KRT83: variants seen among roughly 807,000 people sequenced by gnomAD.
KRT83 encodes keratin 83, also known as keratin, type II cuticular Hb3.
Under a neutral mutation model 52.9 loss-of-function variants are expected in KRT83, and 51 were observed. The observed-to-expected ratio is 0.96, with a 90% CI of 0.77 to 1.22. The LOEUF (loss-of-function observed/expected upper bound fraction) is 1.22, where lower values mean the gene tolerates loss of function less well. KRT83 is among the 50% of genes most tolerant of loss of function. The probability of loss-of-function intolerance (pLI) is 0.00; values close to 1 mark genes in which losing one functional copy is unlikely to be tolerated. For synonymous variants in KRT83, 278 were observed against 274.1 expected (o/e 1.01, Z -0.14); for missense variants, 654 against 666.5 (o/e 0.98, Z 0.21).
At position 52,319,384 on chromosome 12, in the gene KRT83, C is replaced by T. The variant is rs565677515; in HGVS notation, c.385-20G>A. On this transcript the variant is annotated intron_variant, in intron 1 of 8. Coordinates refer to ENST00000293670, the MANE Select transcript of KRT83 (RefSeq NM_002282.3). ...GCGCACCTGCCACCCAGAGGCAGAG[C>T]CTAAGAACCTCTTCTTGCAGCATCA... 17 of 1,613,280 alleles carry T rather than the reference C, an allele frequency of 1.1e-5. No homozygotes were observed. The Admixed American group carries it at 2.2e-4, about 21-fold the overall frequency.
At position 52,314,304 on chromosome 12, in the gene KRT83, G is replaced by C. The variant is rs1244598749; in HGVS notation, c.*327C>G. On this transcript the variant is annotated 3_prime_UTR_variant, in exon 9 of 9. Coordinates refer to ENST00000293670, the MANE Select transcript of KRT83 (RefSeq NM_002282.3). ...GCAAGACATTGCAGCACACAAAGCA[G>C]GTCCCCAAGTTTATTGGAAAAGGGG... The C allele has an allele frequency of 7.5e-6, 3 of 400,576 alleles. No homozygotes were observed. The Admixed American group carries it at 1.1e-4, about 15-fold the overall frequency. 24.8% of individuals were successfully genotyped at this position (400,576 alleles called of 1,614,324 possible). A position where few individuals can be genotyped will look rare whatever the true frequency, so the allele number is the denominator to read the frequency against.
In KRT83 at chr12:52,317,786, G is replaced by A. The variant is rs1938710364; in HGVS notation, c.655-10C>T. 1 of 1,613,868 alleles carries A rather than the reference G, an allele frequency of 6.2e-7. No individual in the cohort carries two copies. On this transcript the variant is annotated splice_polypyrimidine_tract_variant and intron_variant, in intron 3 of 8. Coordinates refer to ENST00000293670, the MANE Select transcript of KRT83 (RefSeq NM_002282.3). ...AGGCGCAGTCCACATCCTGGGTGGGGTAGAAGGGGCTGTGAGGCCGGCTTT... is the reference window on the plus strand; with the variant it reads ...AGGCGCAGTCCACATCCTGGGTGGGATAGAAGGGGCTGTGAGGCCGGCTTT...
chr12:52,319,292 G>A lies in KRT83; in HGVS notation c.457C>T (p.Gln153Ter). 1 of 1,614,062 alleles carries A rather than the reference G, an allele frequency of 6.2e-7. No individual in the cohort carries two copies. The highest frequency in any genetic ancestry group is 1.7e-5 in the Admixed American group (1 of 60,024). The change falls in exon 2 of 9, where the codon CAG becomes TAG. Residue 153 changes from glutamine to a stop codon, truncating the protein, a stop_gained. Transcript: ENST00000293670. LOFTEE classifies it high-confidence loss of function. The part of the protein sequence containing the change: ...LQFYQNRECC[Q>*]SNLEPLFAGY... ...GCAAACAGGGGCTCCAGGTTACTCT[G>A]GCAGCACTCGCGGTTTTGGTAGAAC...
intron 6 of KRT83, 37 bp from the exon 7 acceptor site, chr12:52,316,150 A>G: frequency 6.2e-7 from 1 of 1,610,786 alleles, no homozygotes; most frequent in Non-Finnish European, 8.5e-7. Context: ...GATAAAGTGA[A>G]GTTTAGTTTC....
In KRT83 at chr12:52,314,769, C is replaced by G. The variant is rs780380724; in HGVS notation, c.1344G>C (p.Ser448=). 5 of 1,605,004 alleles carry G rather than the reference C, an allele frequency of 3.1e-6. No individual in the cohort carries two copies. Among genetic ancestry groups the G allele is most frequent in the Non-Finnish European group, 4.2e-6 (5 of 1,176,628 alleles). Residue 448 remains serine (S), a synonymous_variant, in exon 9 of 9, where the codon TCG becomes TCC. Coordinates refer to ENST00000293670, the MANE Select transcript of KRT83 (RefSeq NM_002282.3). The part of the protein sequence containing the change: ...GGVVCGDLCV[S]GSRPVTGSVC... ...CGCTGCCCGTCACCGGCCGGGAGCCCGACACGCAGAGATCCCCGCACACAA... is the reference window on the plus strand; with the variant it reads ...CGCTGCCCGTCACCGGCCGGGAGCCGGACACGCAGAGATCCCCGCACACAA...
chr12:52,315,226 C>A, intron 8 of KRT83, 86 bp downstream of exon 8: 1 of 1,361,918 alleles, frequency 7.3e-7, no homozygotes, highest in African/African-American at 1.4e-5. Context: ...TGGAAACACT[C>A]CTCCCAAAGT....
At chr12:52,315,222 C>T in intron 8 of KRT83, 90 bp downstream of exon 8, 2 of 1,337,680 alleles carry the variant, frequency 1.5e-6, no homozygotes, top group Non-Finnish European at 2.2e-6. Context: ...TTATTGGAAA[C>T]ACTCCTCCCA....
intron 7 of KRT83, 52 bp downstream of exon 7, chr12:52,315,841 A>G: frequency 6.2e-7 from 1 of 1,611,080 alleles, no homozygotes; most frequent in Non-Finnish European, 8.5e-7. Context: ...GGGAAAAATC[A>G]AAGGTGGGCA....
rs769799083 is a variant in KRT83 at position 52,319,257 on chromosome 12, G to T, written c.492C>A (p.Ile164=). The part of the protein sequence containing the change: ...SNLEPLFAGY[I]ETLRREAECV... ...ACTCGGCCTCCCGCCGCAGAGTCTC[G>T]ATGTAGCCAGCAAACAGGGGCTCCA... The change falls in exon 2 of 9, where the codon ATC becomes ATA. Residue 164 remains isoleucine, a synonymous_variant. Coordinates refer to ENST00000293670, the MANE Select transcript of KRT83 (RefSeq NM_002282.3). The T allele has an allele frequency of 4.3e-6, 7 of 1,613,850 alleles. No homozygotes were observed. The highest frequency in any genetic ancestry group is 1.3e-5 in the African/African-American group (1 of 74,920).
Position 52,321,233 on chromosome 12 carries a change from C to T in KRT83, c.103G>A (p.Ala35Thr), listed in dbSNP as rs1194656235. 2 of 1,613,508 alleles carry T rather than the reference C, an allele frequency of 1.2e-6. No homozygotes were observed. The highest frequency in any genetic ancestry group is 1.7e-6 in the Non-Finnish European group (2 of 1,179,882). ...TAGCAGGAGATGCCGCGGTAGGGGG[C>T]GGCGGTGATGCAGCAGCGGCTTGGC... is the stretch of plus-strand genomic sequence containing the variant. ...PRPSRCCITAAPYRGISCYRG... is the reference protein window; with the variant it reads ...PRPSRCCITATPYRGISCYRG... The change falls in exon 1 of 9, where the codon GCC becomes ACC. Residue 35 changes from alanine (A) to threonine (T), a missense_variant. By Grantham distance (58) the Ala-to-Thr change is moderately conservative (BLOSUM62 0). Transcript: ENST00000293670.
intron 2 of KRT83, 97 bp from the exon 3 acceptor site, chr12:52,318,067 G>A (rs752709282): frequency 2.5e-4 from 277 of 1,120,828 alleles, no homozygotes; most frequent in Non-Finnish European, 3.5e-4. Context: ...ACCTCCCCCT[G>A]CTTGTCTCCT....
rs1299472497 is a variant in KRT83, at chr12:52,317,592, C to T, written c.750+89G>A. ...CCGTGAGCCTGGGTTCATATGTCAG[C>T]AGGCCTGGTTCATGCCTGTGGGTGT... On this transcript the variant is annotated intron_variant, in intron 4 of 8. Transcript: ENST00000293670. 9.2e-6 allele frequency: 13 copies of T among 1,419,866 alleles called. No homozygotes were observed. In the East Asian group the frequency reaches 2.7e-4, roughly 30 times the overall value. 88.0% of individuals were successfully genotyped at this position (1,419,866 alleles called of 1,614,324 possible).
At chr12:52,320,605 C>T (rs1306579467) in intron 1 of KRT83, among the ~76,000 whole-genome samples, 1 of 152,224 alleles carries the variant, frequency 6.6e-6, no homozygotes, top group Non-Finnish European at 1.5e-5. Flanking sequence ...ATTAGCCCTG[C>T]CTTGATGGAG....
Position 52,318,349 on chromosome 12 carries a change from C to G in KRT83, c.594-379G>C, listed in dbSNP as rs931960567. Among the ~76,000 whole-genome samples, 98 of 152,106 alleles carry G rather than the reference C, an allele frequency of 6.4e-4. 1 individual carries two copies. The highest frequency in any genetic ancestry group is 2.2e-3 in the African/African-American group (93 of 41,520). On this transcript the variant is annotated intron_variant, in intron 2 of 8. Transcript: ENST00000293670. ...CACCACCACGCCTGGCTAATTCACT[C>G]CCCTGTTTTGGTGGAGGTTGGGAGA...
At chr12:52,315,368 G>T in intron 7 of KRT83, 25 bp from the exon 8 acceptor site, 1 of 1,613,006 alleles carries the variant, frequency 6.2e-7, no homozygotes, top group South Asian at 1.1e-5. Flanking sequence ...AGTAAGGAAG[G>T]GGAAGATAAA....
At chr12:52,316,187 G>A (rs1297630097) in intron 6 of KRT83, 74 bp from the exon 7 acceptor site, 1 of 1,559,570 alleles carries the variant, frequency 6.4e-7, no homozygotes, top group East Asian at 2.3e-5. Flanking sequence ...TCTCCAATAG[G>A]ATCATTCAAC....
chr12:52,315,924 AG>A lies in KRT83; in HGVS notation c.1230del (p.Tyr411ThrfsTer19), dbSNP rs768477733. The A allele has an allele frequency of 1.1e-5, 18 of 1,612,696 alleles. No homozygotes were observed. The African/African-American group carries it at 2.4e-4, about 22-fold the overall frequency. On this transcript the variant is annotated frameshift_variant, in exon 7 of 9. Coordinates refer to ENST00000293670, the MANE Select transcript of KRT83 (RefSeq NM_002282.3). LOFTEE classifies it high-confidence loss of function. ...SKLGLDIEIA[T>X]YRRLLEGEEQ... The stretch of plus-strand genomic sequence containing the variant: ...TCCTCGCCCTCCAGCAGGCGCCTGT[AG>A]GTGGCGATCTCGATATCCAGGCCTA...
intron 6 of KRT83, 80 bp downstream of exon 6, chr12:52,316,388 C>T: frequency 6.2e-7 from 1 of 1,602,494 alleles, no homozygotes; most frequent in South Asian, 1.1e-5. Context: ...GAAGACTTTT[C>T]CAGAATCTAA....
chr12:52,314,793 A>G lies in KRT83; in HGVS notation c.1320T>C (p.Val440=). 6.2e-7 allele frequency: 1 copy of G among 1,607,184 alleles called. No homozygotes were observed. The highest frequency in any genetic ancestry group is 8.5e-7 in the Non-Finnish European group (1 of 1,177,520). The change falls in exon 9 of 9, where the codon GTT becomes GTC. Residue 440 remains valine (V), a synonymous_variant. Coordinates refer to ENST00000293670, the MANE Select transcript of KRT83 (RefSeq NM_002282.3). ...CCGACACGCAGAGATCCCCGCACAC[A>G]ACCCCACCCCGGGAGCTGCTGACAC... is the stretch of plus-strand genomic sequence containing the variant. ...NVCVSSSRGG[V]VCGDLCVSGS... is the part of the protein sequence containing the mutation.
Sources: gnomAD v4.1 joint callset for allele counts (sites outside exome capture counted in the v4.1 genomes callset) on GRCh38, gnomAD v4.1.1 for gene constraint, MANE v1.5 for transcripts, NCBI Gene and HGNC (gene_info 2026-07-23, HGNC 2026-07-21) for gene names.